ICA1L: variants seen among roughly 807,000 people sequenced by gnomAD.
ICA1L encodes the protein islet cell autoantigen 1 like, also known as islet cell autoantigen 1-like protein.
A neutral mutation model predicts 61.3 loss-of-function variants in ICA1L; 50 were observed. That is an observed-to-expected ratio of 0.82 (90% CI 0.65 to 1.03). The LOEUF is 1.03. ICA1L is among the 50% of genes least tolerant of loss of function. The pLI, the probability that ICA1L is intolerant of heterozygous loss-of-function variation, is 0.00. For synonymous variants in ICA1L, 161 were observed against 191.3 expected (o/e 0.84, Z 1.31); for missense variants, 508 against 556.7 (o/e 0.91, Z 0.88).
At chr2:202,790,034 T>C (rs1299418987) in intron 10 of ICA1L, among the ~76,000 whole-genome samples, 2 of 152,234 alleles carry the variant, frequency 1.3e-5, no homozygotes, top group African/African-American at 4.8e-5. Context: ...AATCCACTTT[T>C]TGTTTTCTGT....
chr2:202,862,938 C>G (rs1694960862), intron 1 of ICA1L, among the ~76,000 whole-genome samples: 1 of 151,874 alleles, frequency 6.6e-6, no homozygotes, highest in East Asian at 1.9e-4. Flanking sequence ...AACATACCCA[C>G]AGTTGTGGAA....
intron 11 of ICA1L, among the ~76,000 whole-genome samples, chr2:202,786,257 A>T (rs1692575333): frequency 6.6e-6 from 1 of 152,244 alleles, no homozygotes; most frequent in Non-Finnish European, 1.5e-5. Flanking sequence ...TGTTTAAAAA[A>T]TAATTGAGGC....
chr2:202,788,738 C>T, intron 11 of ICA1L, 92 bp downstream of exon 11: 3 of 1,302,916 alleles, frequency 2.3e-6, no homozygotes, highest in Non-Finnish European at 3.3e-6. Context: ...TAAAATCAAT[C>T]TGCTTGTTGG....
intron 2 of ICA1L, 78 bp from the exon 3 acceptor site, chr2:202,825,845 A>AT: frequency 1.3e-6 from 1 of 772,710 alleles, no homozygotes; most frequent in Non-Finnish European, 1.9e-6. Flanking sequence ...AAAGCATAAC[A>AT]TTTTCTTCTA....
intron 1 of ICA1L, among the ~76,000 whole-genome samples, chr2:202,835,486 G>T (rs763055915): frequency 1.3e-5 from 2 of 151,004 alleles, no homozygotes; most frequent in Non-Finnish European, 2.9e-5. Flanking sequence ...GATTACAGGC[G>T]TGAGGGACCC....
intron 3 of ICA1L, among the ~76,000 whole-genome samples, chr2:202,823,388 A>G (rs140137527): frequency 5.4e-4 from 82 of 152,304 alleles, no homozygotes; most frequent in African/African-American, 9.4e-4. Flanking sequence ...AATTAAATCT[A>G]TATGTGTTTC....
chr2:202,865,040 G>A (rs144997119), intron 1 of ICA1L, among the ~76,000 whole-genome samples: 13,551 of 152,184 alleles, frequency 0.089, 738 homozygotes, highest in Non-Finnish European at 0.12. Context: ...GCATCTGCCT[G>A]TAATCCCAGC....
intron 9 of ICA1L, among the ~76,000 whole-genome samples, chr2:202,804,709 T>C (rs1442697786): frequency 6.6e-6 from 1 of 152,190 alleles, no homozygotes; most frequent in Non-Finnish European, 1.5e-5. Flanking sequence ...ACAGTTTGAG[T>C]ATACATTCTT....
intron 12 of ICA1L, among the ~76,000 whole-genome samples, chr2:202,782,762 T>C (rs1250402125): frequency 2.6e-5 from 4 of 152,048 alleles, no homozygotes; most frequent in Admixed American, 1.3e-4. Context: ...GTTTTTTTTT[T>C]CCCCCTAAAT....
At chr2:202,803,430 A>C in intron 9 of ICA1L, among the ~76,000 whole-genome samples, 1 of 149,942 alleles carries the variant, frequency 6.7e-6, no homozygotes, top group African/African-American at 2.4e-5. Flanking sequence ...AAAAGAGAAC[A>C]TGGGAAGATT....
intron 10 of ICA1L, among the ~76,000 whole-genome samples, chr2:202,795,175 G>C (rs1366023756): frequency 1.3e-5 from 2 of 149,702 alleles, no homozygotes; most frequent in Non-Finnish European, 3.0e-5. Context: ...ATATTTAGTA[G>C]AGACAGGGTT....
chr2:202,815,641 A>C (rs543296281), intron 7 of ICA1L, among the ~76,000 whole-genome samples: 40 of 151,356 alleles, frequency 2.6e-4, no homozygotes, highest in Admixed American at 7.2e-4. Flanking sequence ...TTTACTTTTA[A>C]ATTTTTTTCA....
Position 202,785,117 on chromosome 2 carries a change from G to A in ICA1L, c.1333+801C>T, listed in dbSNP as rs116285003. 3.7e-3 allele frequency among the ~76,000 whole-genome samples: 565 copies of A among 151,796 alleles called. 1 individual carries two copies. The highest frequency in any genetic ancestry group is 6.4e-3 in the Non-Finnish European group (435 of 67,902). The stretch of plus-strand genomic sequence containing the variant: ...GCCTATAGTACCAGCTATCTGGGAG[G>A]CTGAGGCAGGAGAATCGCTTGGACC... On this transcript the variant is annotated intron_variant, in intron 12 of 12. Transcript: ENST00000358299.
intron 9 of ICA1L, among the ~76,000 whole-genome samples, chr2:202,797,921 G>T (rs573896609): frequency 6.4e-4 from 98 of 152,174 alleles, no homozygotes; most frequent in Non-Finnish European, 1.1e-3. Flanking sequence ...TTGAAATTTT[G>T]TATCCTTTGG....
chr2:202,797,316 G>A (rs925364349), intron 9 of ICA1L, among the ~76,000 whole-genome samples: 51 of 152,016 alleles, frequency 3.4e-4, no homozygotes, highest in African/African-American at 1.2e-3. Context: ...TGTTCTGCCT[G>A]ATCTCCATGC....
chr2:202,786,382 T>TA (rs35651579), intron 11 of ICA1L, among the ~76,000 whole-genome samples: 11 of 150,158 alleles, frequency 7.3e-5, no homozygotes, highest in South Asian at 2.1e-4. Context: ...CCGTCTCTAC[T>TA]AAAAAAAATA....
intron 1 of ICA1L, among the ~76,000 whole-genome samples, chr2:202,863,404 GTAAA>G (rs1233667517): frequency 2.0e-5 from 3 of 152,032 alleles, no homozygotes. Context: ...AATAAAGTCA[GTAAA>G]TAGAGAATGG....
rs910773844 is a variant in ICA1L at position 202,775,194 on chromosome 2, A to G, written c.*4339T>C. On this transcript the variant is annotated 3_prime_UTR_variant, in exon 13 of 13. Transcript: ENST00000358299. The stretch of plus-strand genomic sequence containing the variant: ...CATTACTTTCAGTTCTACTAAATTA[A>G]TATTTTAAAGTTCGTTTTTCCTTCC... 2 of 152,242 alleles carry G rather than the reference A, an allele frequency of 1.3e-5. No individual in the cohort carries two copies. Among genetic ancestry groups the G allele is most frequent in the Non-Finnish European group, 2.9e-5 (2 of 68,044 alleles). The allele number at this position is 152,242 out of a possible 1,614,324, so 9.4% of individuals were successfully genotyped here.
At position 202,841,492 on chromosome 2, in the gene ICA1L, GT is replaced by G; in HGVS notation, c.-7-12477del. 3.9e-6 allele frequency: 3 copies of G among 776,654 alleles called. No homozygotes were observed. The African/African-American group carries it at 5.1e-5, about 13-fold the overall frequency. The allele number at this position is 776,654 out of a possible 1,614,324, so 48.1% of individuals were successfully genotyped here. ...GGAGGAGGCAAATTTGTTGTTGAGG[GT>G]CCTTCTCCTGGGTGCACACGGCCTG... is the stretch of plus-strand genomic sequence containing the variant. On this transcript the variant is annotated intron_variant, in intron 1 of 12. Coordinates refer to ENST00000358299, the MANE Select transcript of ICA1L (RefSeq NM_001288622.3).
Sources: allele counts gnomAD v4.1 joint callset (sites outside exome capture counted in the v4.1 genomes callset), GRCh38; gene constraint gnomAD v4.1.1; transcripts MANE v1.5; gene names NCBI Gene and HGNC (gene_info 2026-07-23, HGNC 2026-07-21).